GPC5: variants seen among roughly 807,000 people sequenced by gnomAD.
GPC5 encodes glypican 5.
GPC5 carries 47 observed loss-of-function variants against 53.9 expected under a neutral mutation model. The observed-to-expected ratio is 0.87, with a 90% CI of 0.69 to 1.11. GPC5 has a LOEUF of 1.11. Among genes scored for constraint, GPC5 ranks in the 50% most tolerant of loss-of-function variants. GPC5 has a pLI of 0.00. For missense variants in GPC5, 748 were observed against 713.1 expected, an observed-to-expected ratio of 1.05 and a Z score of -0.56; for synonymous variants, 286 against 263.3, an observed-to-expected ratio of 1.09 and a Z score of -0.84.
At chr13:92,470,714 G>A (rs1022287689) in intron 7 of GPC5, among the ~76,000 whole-genome samples, 5 of 152,084 alleles carry the variant, frequency 3.3e-5, no homozygotes, top group African/African-American at 1.2e-4. Context: ...ATTTTTTACT[G>A]TATGTCTGAA....
At chr13:91,682,247 G>A (rs1012928120) in intron 2 of GPC5, among the ~76,000 whole-genome samples, 10 of 152,138 alleles carry the variant, frequency 6.6e-5, no homozygotes, top group Non-Finnish European at 1.2e-4. Context: ...AAGAGTACCC[G>A]TATCATGGGT....
chr13:92,684,271 T>A (rs186896066), intron 7 of GPC5, among the ~76,000 whole-genome samples: 156 of 152,196 alleles, frequency 1.0e-3, no homozygotes, highest in African/African-American at 3.6e-3. Context: ...ATTTTTTATT[T>A]TTTTTGTTTT....
chr13:92,125,924 GTTTTTTTTTTTTTTTTTTTTTTTTTTTT>G (rs1190169532), intron 6 of GPC5, among the ~76,000 whole-genome samples: 2 of 75,876 alleles, frequency 2.6e-5, no homozygotes, highest in African/African-American at 1.1e-4. Context: ...TTGTTTTTTG[GTTTTTTTTTTTTTTTTTTTTTTTTTTTT>G]TTTTTTTTTT....
chr13:92,503,553 A>G (rs959102782), intron 7 of GPC5, among the ~76,000 whole-genome samples: 2 of 151,668 alleles, frequency 1.3e-5, no homozygotes, highest in Non-Finnish European at 3.0e-5. Flanking sequence ...GAAAAGTAGA[A>G]ATACCCTCTT....
intron 7 of GPC5, among the ~76,000 whole-genome samples, chr13:92,345,368 C>G (rs2043402231): frequency 6.6e-6 from 1 of 152,010 alleles, no homozygotes; most frequent in African/African-American, 2.4e-5. Context: ...GAAAAAATAA[C>G]TAACAACCCA....
intron 7 of GPC5, among the ~76,000 whole-genome samples, chr13:92,692,888 C>T (rs554121120): frequency 6.6e-6 from 1 of 151,136 alleles, no homozygotes; most frequent in East Asian, 2.0e-4. Flanking sequence ...GCTCTGCGTC[C>T]CCACCCAAAT....
At chr13:92,591,647 A>T (rs1323556642) in intron 7 of GPC5, among the ~76,000 whole-genome samples, 1 of 152,098 alleles carries the variant, frequency 6.6e-6, no homozygotes, top group African/African-American at 2.4e-5. Context: ...TCTATATATC[A>T]TCATTAGTTA....
intron 2 of GPC5, among the ~76,000 whole-genome samples, chr13:91,492,342 G>A (rs577124799): frequency 6.6e-5 from 10 of 152,150 alleles, no homozygotes; most frequent in Non-Finnish European, 1.0e-4. Context: ...TATGGAGACC[G>A]AGAAGTTCCA....
intron 5 of GPC5, among the ~76,000 whole-genome samples, chr13:91,823,759 A>T (rs1019296240): frequency 6.6e-6 from 1 of 152,104 alleles, no homozygotes; most frequent in Non-Finnish European, 1.5e-5. Context: ...CAATGTCATA[A>T]TCACTCTTTG....
chr13:92,525,584 T>C (rs1394560361), intron 7 of GPC5, among the ~76,000 whole-genome samples: 3 of 151,946 alleles, frequency 2.0e-5, no homozygotes. Context: ...GTTTCTAATA[T>C]GTCTACCTGG....
intron 7 of GPC5, among the ~76,000 whole-genome samples, chr13:92,426,188 A>G (rs543301306): frequency 1.6e-4 from 24 of 152,164 alleles, no homozygotes; most frequent in Non-Finnish European, 3.2e-4. Context: ...CTCCTTCCCT[A>G]AGACCCATGA....
intron 2 of GPC5, among the ~76,000 whole-genome samples, chr13:91,458,969 A>G (rs1404251154): frequency 6.6e-6 from 1 of 152,142 alleles, no homozygotes; most frequent in African/African-American, 2.4e-5. Context: ...ATCAAAAACC[A>G]AACATCGTAT....
chr13:92,023,210 T>C (rs1409022430), intron 6 of GPC5, among the ~76,000 whole-genome samples: 1 of 152,090 alleles, frequency 6.6e-6, no homozygotes, highest in East Asian at 1.9e-4. Flanking sequence ...TTGAGACTTC[T>C]AGTTAGGATC....
chr13:92,296,317 C>T (rs945338477), intron 7 of GPC5, among the ~76,000 whole-genome samples: 5 of 152,050 alleles, frequency 3.3e-5, no homozygotes, highest in African/African-American at 1.2e-4. Context: ...TGGGTGGGGC[C>T]CTTAAACTCC....
intron 7 of GPC5, among the ~76,000 whole-genome samples, chr13:92,768,565 T>G (rs1875496332): frequency 5.9e-5 from 9 of 152,164 alleles, no homozygotes. Context: ...TTATTGTTCC[T>G]TTTACCTGAT....
chr13:92,768,024 A>T (rs986647562), intron 7 of GPC5, among the ~76,000 whole-genome samples: 4 of 152,188 alleles, frequency 2.6e-5, no homozygotes, highest in African/African-American at 9.7e-5. Context: ...CAGTGTAAAA[A>T]CCTAAGTCAG....
intron 6 of GPC5, among the ~76,000 whole-genome samples, chr13:92,097,262 A>G (rs1594761523): frequency 1.3e-5 from 2 of 152,332 alleles, no homozygotes; most frequent in Admixed American, 1.3e-4. Context: ...AAAACTGTTG[A>G]AGGTCCAGCC....
intron 7 of GPC5, among the ~76,000 whole-genome samples, chr13:92,480,608 G>A (rs1594237959): frequency 6.6e-6 from 1 of 152,164 alleles, no homozygotes; most frequent in African/African-American, 2.4e-5. Flanking sequence ...CTAGTCTCAT[G>A]GTCGCAAGAT....
At chr13:92,782,521 G>T (rs145382995) in intron 7 of GPC5, among the ~76,000 whole-genome samples, 2 of 152,242 alleles carry the variant, frequency 1.3e-5, no homozygotes, top group African/African-American at 2.4e-5. Context: ...GTGGAAAGAG[G>T]AAGCCTTTCT....
Sources: gnomAD v4.1 joint callset for allele counts (sites outside exome capture counted in the v4.1 genomes callset) on GRCh38, gnomAD v4.1.1 for gene constraint, MANE v1.5 for transcripts, NCBI Gene and HGNC (gene_info 2026-07-23, HGNC 2026-07-21) for gene names.